The following RALGAPB variants were observed in gnomAD, a reference collection of about 807,000 sequenced individuals.
RALGAPB encodes the protein Ral GTPase activating protein non-catalytic subunit beta.
A neutral mutation model predicts 161.1 loss-of-function variants in RALGAPB; 25 were observed. The ratio of observed to expected loss-of-function variants is 0.16; its 90% CI spans 0.11 to 0.22. RALGAPB has a LOEUF of 0.22. RALGAPB is among the 10% of genes least tolerant of loss of function. RALGAPB has a pLI of 1.00. For synonymous variants in RALGAPB, 629 were observed against 626.1 expected (o/e 1.00, Z -0.07); for missense variants, 1,391 against 1,815.2 (o/e 0.77, Z 4.25).
At chr20:38,558,082 C>T (rs2087651188) in intron 22 of RALGAPB, among the ~76,000 whole-genome samples, 2 of 152,116 alleles carry the variant, frequency 1.3e-5, no homozygotes, top group African/African-American at 4.8e-5. Context: ...ACAATATAAT[C>T]TCAGTTGTCT....
chr20:38,474,641 C>T (rs1360978322), intron 1 of RALGAPB, among the ~76,000 whole-genome samples: 1 of 152,192 alleles, frequency 6.6e-6, no homozygotes, highest in Non-Finnish European at 1.5e-5. Flanking sequence ...CAAGATACCT[C>T]TGTCCCTGAC....
intron 13 of RALGAPB, among the ~76,000 whole-genome samples, chr20:38,528,076 G>T (rs1375438052): frequency 6.6e-6 from 1 of 152,192 alleles, no homozygotes; most frequent in Non-Finnish European, 1.5e-5. Flanking sequence ...TTAAAAAGCA[G>T]TGTGGTCAGA....
intron 1 of RALGAPB, among the ~76,000 whole-genome samples, chr20:38,487,839 G>A (rs1224426024): frequency 2.0e-5 from 3 of 152,158 alleles, no homozygotes; most frequent in African/African-American, 7.2e-5. Flanking sequence ...GGCTGAGGCG[G>A]GTGGATCACC....
At chr20:38,514,610 T>C (rs1336532770) in intron 6 of RALGAPB, among the ~76,000 whole-genome samples, 2 of 152,216 alleles carry the variant, frequency 1.3e-5, no homozygotes, top group African/African-American at 2.4e-5. Context: ...AGGATGAAGG[T>C]TGAATATGAT....
chr20:38,569,739 A>C, intron 26 of RALGAPB, 149 bp from the exon 27 acceptor site: 1 of 600,376 alleles, frequency 1.7e-6, no homozygotes, highest in Non-Finnish European at 3.0e-6. Flanking sequence ...CTTTGTTGCA[A>C]ATGTATACAC....
rs535090870 is a variant in RALGAPB at position 38,550,217 on chromosome 20, C to T, written c.3010-854C>T. Among the ~76,000 whole-genome samples, 13 of 152,162 alleles carry T rather than the reference C, an allele frequency of 8.5e-5. No homozygotes were observed. In the East Asian group the frequency reaches 1.2e-3, roughly 14 times the overall value. ...CTAGATGACGAGTTAGTGGGTGCAG[C>T]GCACCAGCATGTCACATGTATACAT... On this transcript the variant is annotated intron_variant, in intron 20 of 29. Coordinates refer to ENST00000262879, the MANE Select transcript of RALGAPB (RefSeq NM_020336.4).
At chr20:38,520,620 GTAT>G (rs1343572149) in intron 9 of RALGAPB, among the ~76,000 whole-genome samples, 1 of 143,146 alleles carries the variant, frequency 7.0e-6, no homozygotes, top group Non-Finnish European at 1.5e-5. Context: ...TTTTTCAAAT[GTAT>G]TATTGCTGGA....
chr20:38,501,885 G>GA (rs2085606778), intron 5 of RALGAPB, among the ~76,000 whole-genome samples: 1 of 151,966 alleles, frequency 6.6e-6, no homozygotes, highest in South Asian at 2.1e-4. Flanking sequence ...AAAAAATTAA[G>GA]AAAAAATTAG....
At chr20:38,517,467 A>G in intron 7 of RALGAPB, 39 bp from the exon 8 acceptor site, 2 of 1,521,080 alleles carry the variant, frequency 1.3e-6, no homozygotes, top group Non-Finnish European at 8.8e-7. Context: ...ATTTTGACCT[A>G]TGAAGAATAA....
In RALGAPB at chr20:38,575,512, T is replaced by C. The variant is rs1322997099; in HGVS notation, c.*545T>C. ...ACTGACAAAAAGAAAAGATGATACA[T>C]GTTTTTTGCTCAGATAAGAAGCCTG... is the stretch of plus-strand genomic sequence containing the variant. On this transcript the variant is annotated 3_prime_UTR_variant, in exon 30 of 30. Coordinates refer to ENST00000262879, the MANE Select transcript of RALGAPB (RefSeq NM_020336.4). 6.5e-6 allele frequency: 1 copy of C among 153,904 alleles called. No homozygotes were observed. The highest frequency in any genetic ancestry group is 2.4e-5 in the African/African-American group (1 of 41,112). 9.5% of individuals were successfully genotyped at this position (153,904 alleles called of 1,614,324 possible).
intron 25 of RALGAPB, 82 bp from the exon 26 acceptor site, chr20:38,567,014 C>T: frequency 6.6e-7 from 1 of 1,515,662 alleles, no homozygotes; most frequent in Non-Finnish European, 8.8e-7. Flanking sequence ...TTAGGTTAGA[C>T]TGGTGAGCAT....
Position 38,567,190 on chromosome 20 carries a change from G to A in RALGAPB, c.3912G>A (p.Glu1304=). The change falls in exon 26 of 30, where the codon GAG becomes GAA. Residue 1304 remains glutamate (E), a synonymous_variant. Coordinates refer to ENST00000262879, the MANE Select transcript of RALGAPB (RefSeq NM_020336.4). The stretch of plus-strand genomic sequence containing the variant: ...TGAAACAGCCATCCCTGACACTTGA[G>A]CTTTTCCCCAATCATACAGACAATC... The part of the protein sequence containing the change: ...GILKQPSLTL[E]LFPNHTDNLN... 6.2e-7 allele frequency: 1 copy of A among 1,613,622 alleles called. No homozygotes were observed. Among genetic ancestry groups the A allele is most frequent in the East Asian group, 2.2e-5 (1 of 44,852 alleles).
chr20:38,486,761 C>T (rs2085126897), intron 1 of RALGAPB, among the ~76,000 whole-genome samples: 1 of 152,098 alleles, frequency 6.6e-6, no homozygotes, highest in African/African-American at 2.4e-5. Flanking sequence ...AACAAGTGAA[C>T]ATTTTTAAAT....
Position 38,575,126 on chromosome 20 carries a change from A to C in RALGAPB, c.*159A>C. The C allele has an allele frequency of 1.5e-6, 1 of 654,184 alleles. No homozygotes were observed. The highest frequency in any genetic ancestry group is 2.6e-6 in the Non-Finnish European group (1 of 389,352). The allele number at this position is 654,184 out of a possible 1,614,324, so 40.5% of individuals were successfully genotyped here. On this transcript the variant is annotated 3_prime_UTR_variant, in exon 30 of 30. Coordinates refer to ENST00000262879, the MANE Select transcript of RALGAPB (RefSeq NM_020336.4). ...AAACACATTATAACCCATTTGATAG[A>C]AGACTTTGGGCTATCTAGTGAAATG...
chr20:38,553,016 A>G (rs2087431443), intron 21 of RALGAPB, among the ~76,000 whole-genome samples: 1 of 152,140 alleles, frequency 6.6e-6, no homozygotes. Flanking sequence ...AAGGATGCTA[A>G]TGGAGTGGGA....
intron 22 of RALGAPB, among the ~76,000 whole-genome samples, chr20:38,556,439 T>A (rs1411671301): frequency 6.6e-6 from 1 of 152,126 alleles, no homozygotes; most frequent in Non-Finnish European, 1.5e-5. Context: ...GTAGTATGAC[T>A]TCTAGTTTGA....
At position 38,567,097 on chromosome 20, in the gene RALGAPB, T is replaced by G; in HGVS notation, c.3819T>G (p.Thr1273=). The change falls in exon 26 of 30, where the codon ACT becomes ACG. Residue 1273 remains threonine, a splice_region_variant and synonymous_variant. Transcript: ENST00000262879. ...FVVPSPVESL[T]DSLESNISDQ... is the part of the protein sequence containing the mutation. ...TGCTTTTTTTCCTTTACCCCATAGC[T>G]GATTCATTGGAAAGTAACATCTCGG... The G allele has an allele frequency of 6.2e-7, 1 of 1,612,990 alleles. No individual in the cohort carries two copies.
rs1046867096 is a variant in RALGAPB at position 38,574,079 on chromosome 20, G to A, written c.4143-71G>A. On this transcript the variant is annotated intron_variant, in intron 28 of 29. Coordinates refer to ENST00000262879, the MANE Select transcript of RALGAPB (RefSeq NM_020336.4). The stretch of plus-strand genomic sequence containing the variant: ...TACTAATCTTAGGCTATATGTGGGG[G>A]ACTTCAACTCTTGGGTGTCTCGGGG... The A allele has an allele frequency of 3.1e-5, 45 of 1,455,684 alleles. 1 individual carries two copies. The highest frequency in any genetic ancestry group is 3.2e-5 in the Non-Finnish European group (34 of 1,078,356). 90.2% of individuals were successfully genotyped at this position (1,455,684 alleles called of 1,614,324 possible).
intron 9 of RALGAPB, 125 bp downstream of exon 9, chr20:38,518,125 G>A: frequency 1.1e-6 from 1 of 906,494 alleles, no homozygotes; most frequent in Non-Finnish European, 1.7e-6. Context: ...ACCAAGCAAT[G>A]TCTTGTGCTT....
Sources: allele counts gnomAD v4.1 joint callset (sites outside exome capture counted in the v4.1 genomes callset), GRCh38; gene constraint gnomAD v4.1.1; transcripts MANE v1.5; gene names NCBI Gene and HGNC (gene_info 2026-07-23, HGNC 2026-07-21).